The following NALF1 variants were observed in gnomAD, a reference collection of about 807,000 sequenced individuals.
NALF1 encodes family with sequence similarity 155 member A.
Under a neutral mutation model 48.4 loss-of-function variants are expected in NALF1, and 3 were observed. The observed-to-expected ratio is 0.06, with a 90% CI of 0.03 to 0.16. NALF1 has a LOEUF of 0.16. Ranked by LOEUF, NALF1 falls within the 10% of genes least tolerant of loss-of-function variation. NALF1 has a pLI of 1.00. For missense variants in NALF1, 526 were observed against 571.5 expected, an observed-to-expected ratio of 0.92 and a Z score of 0.81; for synonymous variants, 262 against 245.7, an observed-to-expected ratio of 1.07 and a Z score of -0.62.
intron 1 of NALF1, among the ~76,000 whole-genome samples, chr13:107,550,345 A>G (rs1260250484): frequency 1.3e-5 from 2 of 152,154 alleles, no homozygotes; most frequent in African/African-American, 4.8e-5. Context: ...TGTTTCACTC[A>G]TTATGAATTC....
intron 1 of NALF1, among the ~76,000 whole-genome samples, chr13:107,681,318 T>C (rs1280615768): frequency 1.3e-5 from 2 of 152,160 alleles, no homozygotes; most frequent in Admixed American, 6.5e-5. Flanking sequence ...TTGGCCACAC[T>C]GACTTCAAAT....
intron 1 of NALF1, among the ~76,000 whole-genome samples, chr13:107,237,089 GTTTT>G (rs61150648): frequency 0.26 from 37,707 of 145,154 alleles, 5,010 homozygotes; most frequent in Middle Eastern, 0.34. Flanking sequence ...ACTGTATGTG[GTTTT>G]TTTTTTTTTT....
intron 1 of NALF1, among the ~76,000 whole-genome samples, chr13:107,337,633 A>AT (rs1164082656): frequency 1.3e-5 from 2 of 152,170 alleles, no homozygotes; most frequent in African/African-American, 4.8e-5. Context: ...ATTTGAGGCC[A>AT]TTATTGTATA....
intron 1 of NALF1, among the ~76,000 whole-genome samples, chr13:107,394,520 G>A (rs891624731): frequency 2.0e-5 from 3 of 152,162 alleles, no homozygotes; most frequent in African/African-American, 7.2e-5. Context: ...TCACAGGCCT[G>A]TGTATAGACA....
intron 1 of NALF1, among the ~76,000 whole-genome samples, chr13:107,707,113 G>A (rs1566451399): frequency 2.0e-5 from 3 of 151,104 alleles, no homozygotes; most frequent in Middle Eastern, 3.4e-3. Context: ...TAGTAGAGAC[G>A]GGGTTTCACC....
At chr13:107,264,327 T>A (rs1880998812) in intron 1 of NALF1, among the ~76,000 whole-genome samples, 2 of 152,238 alleles carry the variant, frequency 1.3e-5, no homozygotes, top group South Asian at 4.1e-4. Flanking sequence ...CATGTTTGTT[T>A]TAAAGACTGA....
At chr13:107,474,300 T>A (rs1885145637) in intron 1 of NALF1, among the ~76,000 whole-genome samples, 1 of 152,182 alleles carries the variant, frequency 6.6e-6, no homozygotes, top group African/African-American at 2.4e-5. Context: ...TTTGATGTGG[T>A]CCAAACACAA....
At chr13:107,783,638 G>T (rs1877987563) in intron 1 of NALF1, among the ~76,000 whole-genome samples, 3 of 151,928 alleles carry the variant, frequency 2.0e-5, no homozygotes, top group Admixed American at 2.0e-4. Flanking sequence ...TGCAAGATGT[G>T]CTTTGTTAAA....
chr13:107,570,054 ATGACCTTAT>A (rs1465943882), intron 1 of NALF1, among the ~76,000 whole-genome samples: 2 of 152,126 alleles, frequency 1.3e-5, no homozygotes, highest in African/African-American at 4.8e-5. Context: ...TTTTGGTTCT[ATGACCTTAT>A]TGAACTCATT....
chr13:107,221,595 A>G (rs990109155), intron 1 of NALF1, among the ~76,000 whole-genome samples: 2 of 152,144 alleles, frequency 1.3e-5, no homozygotes, highest in Non-Finnish European at 2.9e-5. Flanking sequence ...ATAAAAAGTA[A>G]AAAAATAAAA....
chr13:107,454,308 G>A (rs1053337931), intron 1 of NALF1, among the ~76,000 whole-genome samples: 2 of 152,162 alleles, frequency 1.3e-5, no homozygotes, highest in Admixed American at 6.5e-5. Context: ...AAAGAAAGAG[G>A]TTTAATTGAC....
At chr13:107,501,230 G>C (rs548360960) in intron 1 of NALF1, among the ~76,000 whole-genome samples, 9 of 151,958 alleles carry the variant, frequency 5.9e-5, no homozygotes, top group Non-Finnish European at 1.3e-4. Context: ...GCCTTTAATC[G>C]GGACATTAAT....
intron 1 of NALF1, among the ~76,000 whole-genome samples, chr13:107,662,277 C>T (rs993200325): frequency 3.9e-5 from 6 of 152,192 alleles, no homozygotes; most frequent in Non-Finnish European, 8.8e-5. Flanking sequence ...CTCCAGAAAG[C>T]ATCCACATGG....
intron 1 of NALF1, among the ~76,000 whole-genome samples, chr13:107,215,724 T>C (rs182349405): frequency 5.3e-5 from 8 of 152,156 alleles, no homozygotes; most frequent in Non-Finnish European, 8.8e-5. Flanking sequence ...TGGTGCCATA[T>C]AGACAGCTGG....
chr13:107,834,392 G>A (rs180763133), intron 1 of NALF1, among the ~76,000 whole-genome samples: 2 of 152,078 alleles, frequency 1.3e-5, no homozygotes, highest in Admixed American at 6.6e-5. Context: ...AATTTTTAAC[G>A]TTTTTTATAA....
In NALF1 at chr13:107,599,980, T is replaced by A. The variant is rs567449571; in HGVS notation, c.915+265702A>T. ...CCTAACTCTGATATAATGTTATTAT[T>A]ACTTGAATGATACCATCACAGCTTA... On this transcript the variant is annotated intron_variant, in intron 1 of 2. Coordinates refer to ENST00000375915, the MANE Select transcript of NALF1 (RefSeq NM_001080396.3). Among the ~76,000 whole-genome samples, 4 of 152,340 alleles carry A rather than the reference T, an allele frequency of 2.6e-5. No homozygotes were observed. In the East Asian group the frequency reaches 7.7e-4, roughly 29 times the overall value.
intron 1 of NALF1, among the ~76,000 whole-genome samples, chr13:107,277,465 C>T (rs1171113431): frequency 6.6e-6 from 1 of 152,150 alleles, no homozygotes; most frequent in Non-Finnish European, 1.5e-5. Flanking sequence ...AGCTTTCTAT[C>T]CCTTTCCTTG....
intron 1 of NALF1, among the ~76,000 whole-genome samples, chr13:107,305,622 A>G (rs1444152314): frequency 6.6e-6 from 1 of 152,216 alleles, no homozygotes; most frequent in Non-Finnish European, 1.5e-5. Flanking sequence ...ATGTCATGGC[A>G]CTGCCAAACT....
At position 107,316,429 on chromosome 13, in the gene NALF1, G is replaced by T. The variant is rs547133722; in HGVS notation, c.916-105674C>A. ...TTTATACCCAGTAATGGGATGGCTGGGTCAAATGGTATTTCTCGTTCTAGA... is the reference window on the plus strand; with the variant it reads ...TTTATACCCAGTAATGGGATGGCTGTGTCAAATGGTATTTCTCGTTCTAGA... On this transcript the variant is annotated intron_variant, in intron 1 of 2. Coordinates refer to ENST00000375915, the MANE Select transcript of NALF1 (RefSeq NM_001080396.3). Among the ~76,000 whole-genome samples, 540 of 152,174 alleles carry T rather than the reference G, an allele frequency of 3.5e-3. 3 individuals are homozygous for T. Among genetic ancestry groups the T allele is most frequent in the Non-Finnish European group, 5.3e-3 (363 of 68,008 alleles).
Sources: allele counts gnomAD v4.1 joint callset (sites outside exome capture counted in the v4.1 genomes callset), GRCh38; gene constraint gnomAD v4.1.1; transcripts MANE v1.5; gene names NCBI Gene and HGNC (gene_info 2026-07-23, HGNC 2026-07-21).